EYS: variants seen among roughly 807,000 people sequenced by gnomAD.
The protein encoded by EYS is EGF-like photoreceptor maintenance factor.
In EYS, 250 loss-of-function variants were observed where a neutral mutation model predicts 282.1. The ratio of observed to expected loss-of-function variants is 0.89; its 90% confidence interval spans 0.80 to 0.98. EYS has a LOEUF of 0.98. Ranked by LOEUF, EYS falls within the 50% of genes least tolerant of loss-of-function variation. EYS has a pLI of 0.00. For synonymous variants in EYS, 1,355 were observed against 1,282.9 expected (o/e 1.06, Z -1.20); for missense variants, 4,016 against 3,709.0 (o/e 1.08, Z -2.15).
chr6:64,696,245 A>C (rs73440883), intron 22 of EYS, among the ~76,000 whole-genome samples: 2,203 of 152,284 alleles, frequency 0.014, 59 homozygotes, highest in African/African-American at 0.049. Flanking sequence ...CAACAGTAGA[A>C]TAGACCGAGC....
chr6:64,489,012 A>C (rs1776656985), intron 26 of EYS, among the ~76,000 whole-genome samples: 1 of 150,822 alleles, frequency 6.6e-6, no homozygotes, highest in African/African-American at 2.4e-5. Flanking sequence ...AGTAGAGCAC[A>C]TTTTTCATTA....
chr6:64,153,875 G>C (rs1774823941), intron 31 of EYS, among the ~76,000 whole-genome samples: 2 of 152,058 alleles, frequency 1.3e-5, no homozygotes. Flanking sequence ...TGCCTGTAAG[G>C]GGAAAATACA....
chr6:63,942,484 C>A (rs553491757), intron 35 of EYS, among the ~76,000 whole-genome samples: 5 of 152,224 alleles, frequency 3.3e-5, no homozygotes, highest in African/African-American at 1.2e-4. Context: ...TAATGGAAGA[C>A]AACTTGGTGG....
At chr6:64,071,637 C>CATTAGGTATATCTCCTA (rs543086153) in intron 32 of EYS, among the ~76,000 whole-genome samples, 22 of 146,882 alleles carry the variant, frequency 1.5e-4, no homozygotes, top group South Asian at 6.6e-4. Context: ...TGTCATTTAG[C>CATTAGGTATATCTCCTA]ATTAGGTATA....
rs529334477 is a variant in EYS at position 64,608,022 on chromosome 6, T to C, written c.3684+9396A>G. ...TCCTTCATAAATAATAACGTTTTAATGGAAGCTTATGGCTCAAGTGATATT... is the reference window on the plus strand; with the variant it reads ...TCCTTCATAAATAATAACGTTTTAACGGAAGCTTATGGCTCAAGTGATATT... On this transcript the variant is annotated intron_variant, in intron 24 of 42. Coordinates refer to ENST00000503581, the MANE Select transcript of EYS (RefSeq NM_001142800.2). Among the ~76,000 whole-genome samples, 3 of 152,138 alleles carry C rather than the reference T, an allele frequency of 2.0e-5. 1 individual carries two copies. The South Asian group carries it at 6.2e-4, about 32-fold the overall frequency.
intron 41 of EYS, among the ~76,000 whole-genome samples, chr6:63,734,262 T>C (rs1156481746): frequency 6.6e-6 from 1 of 152,090 alleles, no homozygotes; most frequent in Non-Finnish European, 1.5e-5. Context: ...ATGTACCTCC[T>C]GAATCTAAAA....
At chr6:64,385,956 C>A (rs1414374778) in intron 29 of EYS, among the ~76,000 whole-genome samples, 1 of 152,146 alleles carries the variant, frequency 6.6e-6, no homozygotes, top group Non-Finnish European at 1.5e-5. Flanking sequence ...CTTTCTTAGC[C>A]TAGTTCTTGA....
intron 36 of EYS, among the ~76,000 whole-genome samples, chr6:63,848,193 T>C (rs554076851): frequency 1.3e-5 from 2 of 152,210 alleles, no homozygotes; most frequent in South Asian, 4.1e-4. Context: ...TACGATGAGA[T>C]TGCTGTATTA....
intron 2 of EYS, among the ~76,000 whole-genome samples, chr6:65,578,188 A>G (rs1184646527): frequency 1.0e-5 from 1 of 97,796 alleles, no homozygotes; most frequent in South Asian, 3.2e-4. Context: ...GTGTAGATCT[A>G]CAGATGAACA....
At chr6:65,415,026 T>C (rs1767175279) in intron 5 of EYS, among the ~76,000 whole-genome samples, 2 of 152,030 alleles carry the variant, frequency 1.3e-5, no homozygotes, top group Non-Finnish European at 2.9e-5. Flanking sequence ...GAGTGTGATG[T>C]TTTAAAAATA....
At chr6:64,067,203 C>G (rs1467367082) in intron 32 of EYS, among the ~76,000 whole-genome samples, 4 of 152,086 alleles carry the variant, frequency 2.6e-5, no homozygotes, top group African/African-American at 9.7e-5. Flanking sequence ...ACATCTGTCC[C>G]TGGAAGCCCA....
At chr6:64,192,315 A>C (rs917464650) in intron 31 of EYS, among the ~76,000 whole-genome samples, 26 of 151,970 alleles carry the variant, frequency 1.7e-4, no homozygotes, top group Middle Eastern at 3.4e-3. Flanking sequence ...TTTTGCTGTG[A>C]AGAAGCTCTT....
chr6:65,363,960 T>G (rs1476388341), intron 8 of EYS, among the ~76,000 whole-genome samples: 1 of 151,504 alleles, frequency 6.6e-6, no homozygotes, highest in Admixed American at 6.6e-5. Context: ...TTAATTATCT[T>G]TTTTATTGTG....
intron 26 of EYS, among the ~76,000 whole-genome samples, chr6:64,531,904 G>C (rs988697443): frequency 6.6e-6 from 1 of 152,228 alleles, no homozygotes; most frequent in South Asian, 2.1e-4. Flanking sequence ...GAGTCTGGGA[G>C]TCACACCAGT....
At chr6:64,430,987 A>G (rs1025165628) in intron 28 of EYS, among the ~76,000 whole-genome samples, 1 of 152,200 alleles carries the variant, frequency 6.6e-6, no homozygotes, top group African/African-American at 2.4e-5. Flanking sequence ...CAGGACCACA[A>G]CATAGTTACT....
intron 26 of EYS, among the ~76,000 whole-genome samples, chr6:64,500,423 T>C (rs1777002315): frequency 6.6e-6 from 1 of 152,144 alleles, no homozygotes. Flanking sequence ...ACACAACATC[T>C]ATAATATAAA....
chr6:65,221,766 G>C lies in EYS; in HGVS notation c.2023+74097C>G, dbSNP rs76891196. 2.7e-3 allele frequency among the ~76,000 whole-genome samples: 418 copies of C among 152,260 alleles called. 6 individuals carry two copies. The highest frequency in any genetic ancestry group is 0.01 in the Middle Eastern group (3 of 294). ...CAGCTTGCACCATGCACCTAGAAAAGACAAGACACAAAATGCCAGCCCATG... is the reference window on the plus strand; with the variant it reads ...CAGCTTGCACCATGCACCTAGAAAACACAAGACACAAAATGCCAGCCCATG... On this transcript the variant is annotated intron_variant, in intron 12 of 42. Transcript: ENST00000503581.
At chr6:64,102,976 C>T (rs143386864) in intron 31 of EYS, among the ~76,000 whole-genome samples, 2 of 151,866 alleles carry the variant, frequency 1.3e-5, no homozygotes, top group East Asian at 3.9e-4. Context: ...AGAGCATTCA[C>T]ATGTAATTAA....
chr6:64,473,940 G>C (rs1053464079), intron 26 of EYS, among the ~76,000 whole-genome samples: 3 of 152,116 alleles, frequency 2.0e-5, no homozygotes, highest in African/African-American at 7.2e-5. Context: ...TTCTTATCAA[G>C]AAACAATTAT....
Sources: allele counts gnomAD v4.1 joint callset (sites outside exome capture counted in the v4.1 genomes callset), GRCh38; gene constraint gnomAD v4.1.1; transcripts MANE v1.5; gene names NCBI Gene and HGNC (gene_info 2026-07-23, HGNC 2026-07-21).